Variants in DOCK3 observed in about 807,000 individuals in gnomAD.
The protein encoded by DOCK3 is dedicator of cytokinesis 3, also known as dedicator of cytokinesis protein 3.
A neutral mutation model predicts 265.6 loss-of-function variants in DOCK3; 60 were observed. The observed-to-expected ratio is 0.23, with a 90% CI of 0.18 to 0.28. DOCK3 has a LOEUF of 0.28. DOCK3 is among the 10% of genes least tolerant of loss of function. DOCK3 has a pLI of 1.00. For synonymous variants in DOCK3, 881 were observed against 938.0 expected (o/e 0.94, Z 1.11); for missense variants, 1,981 against 2,594.3 (o/e 0.76, Z 5.14).
At chr3:50,682,693 C>T (rs1338644126) in intron 1 of DOCK3, among the ~76,000 whole-genome samples, 3 of 152,198 alleles carry the variant, frequency 2.0e-5, no homozygotes, top group Non-Finnish European at 4.4e-5. Context: ...ATTCCCAACA[C>T]TTTGGGAGGC....
At position 51,310,469 on chromosome 3, in the gene DOCK3, A is replaced by C. The variant is rs141409178; in HGVS notation, c.3017+143A>C. 2,360 of 732,660 alleles carry C rather than the reference A, an allele frequency of 3.2e-3. 49 individuals carry two copies. Among genetic ancestry groups the C allele is most frequent in the African/African-American group, 0.029 (1,623 of 56,274 alleles). 45.4% of individuals were successfully genotyped at this position (732,660 alleles called of 1,614,324 possible). A position where few individuals can be genotyped will look rare whatever the true frequency, so the allele number is the denominator to read the frequency against. On this transcript the variant is annotated intron_variant, in intron 28 of 52. Transcript: ENST00000266037. ...CAGAGAGGAGAGGGCAAATGAGAAA[A>C]ACATTTTTGTGCTTAGTAGATGATG...
intron 1 of DOCK3, among the ~76,000 whole-genome samples, chr3:50,726,593 G>A (rs1182942203): frequency 1.3e-5 from 2 of 152,164 alleles, no homozygotes; most frequent in Non-Finnish European, 2.9e-5. Context: ...GCAAAGACTA[G>A]GAGAGTATTA....
intron 23 of DOCK3, 40 bp from the exon 24 acceptor site, chr3:51,270,775 C>G: frequency 1.3e-6 from 2 of 1,581,146 alleles, no homozygotes; most frequent in Non-Finnish European, 1.7e-6. Context: ...AGACACACAC[C>G]CTAACTCTGT....
intron 32 of DOCK3, among the ~76,000 whole-genome samples, chr3:51,325,077 TTAAAC>T (rs1461346156): frequency 6.6e-6 from 1 of 152,150 alleles, no homozygotes; most frequent in Non-Finnish European, 1.5e-5. Context: ...TGGGATCTAA[TTAAAC>T]TAAAGAGCTT....
At chr3:51,051,183 A>AATTTTTT (rs2080981405) in intron 5 of DOCK3, among the ~76,000 whole-genome samples, 6 of 152,248 alleles carry the variant, frequency 3.9e-5, no homozygotes, top group Admixed American at 3.9e-4. Context: ...AGATAAAACC[A>AATTTTTT]AACAATTTTT....
At chr3:51,358,537 T>A (rs1187976516) in intron 46 of DOCK3, among the ~76,000 whole-genome samples, 4 of 152,212 alleles carry the variant, frequency 2.6e-5, no homozygotes, top group African/African-American at 7.2e-5. Context: ...AATCGTTCTC[T>A]TTTCCCTCTT....
At chr3:51,132,496 G>A (rs1026423053) in intron 9 of DOCK3, among the ~76,000 whole-genome samples, 1 of 152,120 alleles carries the variant, frequency 6.6e-6, no homozygotes, top group East Asian at 1.9e-4. Flanking sequence ...CAGGAGATAA[G>A]ACTGTCACTC....
At chr3:51,290,539 G>A (rs1172345142) in intron 27 of DOCK3, among the ~76,000 whole-genome samples, 1 of 151,914 alleles carries the variant, frequency 6.6e-6, no homozygotes, top group Non-Finnish European at 1.5e-5. Flanking sequence ...CTGTTGTGGG[G>A]TTGGGGGAGA....
chr3:51,153,018 C>T (rs986005083), intron 10 of DOCK3, among the ~76,000 whole-genome samples: 1 of 152,196 alleles, frequency 6.6e-6, no homozygotes, highest in South Asian at 2.1e-4. Context: ...CAGGGAGAAC[C>T]ACTGCTCTCT....
In DOCK3 at chr3:51,275,129, C is replaced by G. The variant is rs763960844; in HGVS notation, c.2599C>G (p.Leu867Val). ...PVVLHHIHLHLRQQKELLICS... is the reference protein window; with the variant it reads ...PVVLHHIHLHVRQQKELLICS... ...GGTTCTCCATCACATTCACCTTCAC[C>G]TGAGGCAGCAGAAAGAGCTGCTAAT... is the stretch of plus-strand genomic sequence containing the variant. The change falls in exon 25 of 53, where the codon CTG becomes GTG. Residue 867 changes from leucine (L) to valine (V), a missense_variant. By Grantham distance (32) the Leu-to-Val change is conservative. This residue lies in a region of DOCK3 where 1,357 missense variants were observed against 1,866.8 expected (regional missense o/e 0.73). Coordinates refer to ENST00000266037, the MANE Select transcript of DOCK3 (RefSeq NM_004947.5). 6 of 1,614,014 alleles carry G rather than the reference C, an allele frequency of 3.7e-6. No homozygotes were observed. The highest frequency in any genetic ancestry group is 5.1e-6 in the Non-Finnish European group (6 of 1,179,890).
intron 27 of DOCK3, among the ~76,000 whole-genome samples, chr3:51,306,444 A>C (rs1233997701): frequency 6.6e-6 from 1 of 152,092 alleles, no homozygotes; most frequent in East Asian, 1.9e-4. Flanking sequence ...TTGGCTGTGT[A>C]AAGATTTTTT....
chr3:50,819,916 C>T (rs541018183), intron 2 of DOCK3, among the ~76,000 whole-genome samples: 2 of 152,130 alleles, frequency 1.3e-5, no homozygotes, highest in South Asian at 2.1e-4. Context: ...GACCCGAGAT[C>T]GCATCACTGC....
chr3:51,030,346 T>A (rs1455589280), intron 5 of DOCK3, among the ~76,000 whole-genome samples: 1 of 152,186 alleles, frequency 6.6e-6, no homozygotes, highest in Non-Finnish European at 1.5e-5. Flanking sequence ...ATCCCAGATA[T>A]CACGTATGAA....
chr3:50,693,385 T>C (rs2035375855), intron 1 of DOCK3, among the ~76,000 whole-genome samples: 1 of 152,288 alleles, frequency 6.6e-6, no homozygotes, highest in African/African-American at 2.4e-5. Flanking sequence ...TTTAGGTCTT[T>C]AATTTCTTTT....
chr3:51,140,436 A>G (rs950986103), intron 9 of DOCK3, among the ~76,000 whole-genome samples: 7 of 152,136 alleles, frequency 4.6e-5, no homozygotes, highest in African/African-American at 1.4e-4. Flanking sequence ...TCAGTACTTC[A>G]TTACTTTTAT....
intron 3 of DOCK3, among the ~76,000 whole-genome samples, chr3:50,858,535 G>A (rs936696863): frequency 1.1e-4 from 17 of 152,016 alleles, no homozygotes; most frequent in African/African-American, 4.1e-4. Flanking sequence ...CCCTGATGGG[G>A]ATCCCTTTGT....
intron 3 of DOCK3, among the ~76,000 whole-genome samples, chr3:50,884,253 G>A (rs2048214564): frequency 6.6e-6 from 1 of 152,080 alleles, no homozygotes; most frequent in Non-Finnish European, 1.5e-5. Context: ...ACCACGGCCA[G>A]CTAATTTTTG....
At chr3:51,243,732 T>G (rs2078709395) in intron 21 of DOCK3, among the ~76,000 whole-genome samples, 1 of 152,198 alleles carries the variant, frequency 6.6e-6, no homozygotes, top group Non-Finnish European at 1.5e-5. Flanking sequence ...GTCCACCTTA[T>G]TTTTTGTTGT....
At chr3:51,271,979 C>T (rs951665243) in intron 24 of DOCK3, among the ~76,000 whole-genome samples, 4 of 151,950 alleles carry the variant, frequency 2.6e-5, no homozygotes, top group Non-Finnish European at 5.9e-5. Context: ...GAGAAATGGA[C>T]AGGGAGCTCT....
Sources: allele counts gnomAD v4.1 joint callset (sites outside exome capture counted in the v4.1 genomes callset), GRCh38; gene constraint gnomAD v4.1.1; regional missense constraint gnomAD v4.1.1; transcripts MANE v1.5; gene names NCBI Gene and HGNC (gene_info 2026-07-23, HGNC 2026-07-21).